RAP1A: variants seen among roughly 807,000 people sequenced by gnomAD.
RAP1A encodes RAP1A, member of RAS oncogene family.
Under a neutral mutation model 26.4 loss-of-function variants are expected in RAP1A, and 6 were observed. That is an observed-to-expected ratio of 0.23 (90% CI 0.12 to 0.45). The LOEUF (loss-of-function observed/expected upper bound fraction) is 0.45, where lower values mean the gene tolerates loss of function less well. RAP1A is among the 20% of genes least tolerant of loss of function. The pLI is 0.99. For synonymous variants in RAP1A, 73 were observed against 79.4 expected, an observed-to-expected ratio of 0.92 and a Z score of 0.43; for missense variants, 121 against 217.2, an observed-to-expected ratio of 0.56 and a Z score of 2.78.
At chr1:111,598,383 C>T (rs1445437521) in intron 1 of RAP1A, among the ~76,000 whole-genome samples, 1 of 152,044 alleles carries the variant, frequency 6.6e-6, no homozygotes, top group Non-Finnish European at 1.5e-5. Context: ...GTCCACATCA[C>T]AAGGAAATAC....
intron 1 of RAP1A, among the ~76,000 whole-genome samples, chr1:111,645,312 G>A (rs1328265470): frequency 3.3e-5 from 5 of 152,102 alleles, no homozygotes; most frequent in Non-Finnish European, 7.4e-5. Flanking sequence ...TCCTTTGAGT[G>A]GGACTTTAGG....
At chr1:111,704,228 C>A in intron 5 of RAP1A, 115 bp from the exon 6 acceptor site, 3 of 1,049,056 alleles carry the variant, frequency 2.9e-6, no homozygotes, top group Non-Finnish European at 3.9e-6. Context: ...TTTGATGAAG[C>A]TTGCGGTCCC....
At chr1:111,598,639 T>C (rs1489091585) in intron 1 of RAP1A, among the ~76,000 whole-genome samples, 1 of 152,084 alleles carries the variant, frequency 6.6e-6, no homozygotes, top group East Asian at 1.9e-4. Context: ...ACAACAATCA[T>C]CGCAGAAGAC....
intron 1 of RAP1A, among the ~76,000 whole-genome samples, chr1:111,676,229 G>T (rs1256564899): frequency 6.6e-5 from 10 of 152,060 alleles, no homozygotes; most frequent in Admixed American, 6.6e-4. Flanking sequence ...GGTGGTGGGC[G>T]CCTGTAATCC....
intron 2 of RAP1A, among the ~76,000 whole-genome samples, chr1:111,692,157 A>T (rs1302789860): frequency 6.6e-6 from 1 of 152,190 alleles, no homozygotes; most frequent in East Asian, 1.9e-4. Context: ...ACTTGGTGCT[A>T]GATTGATATG....
In RAP1A at chr1:111,715,335, C is replaced by A. The variant is rs890812625; in HGVS notation, c.*2934C>A. On this transcript the variant is annotated 3_prime_UTR_variant, in exon 8 of 8. Coordinates refer to ENST00000369709, the MANE Select transcript of RAP1A (RefSeq NM_002884.4). ...TCGTGATCCGCCCCCCCCTCAGCCT[C>A]CCAAAGTGCTGGGATTACAGGCGTG... is the stretch of plus-strand genomic sequence containing the variant. 3.3e-5 allele frequency: 5 copies of A among 151,664 alleles called. No homozygotes were observed. The highest frequency in any genetic ancestry group is 9.8e-5 in the African/African-American group (4 of 40,986). The allele number at this position is 151,664 out of a possible 1,614,324, so 9.4% of individuals were successfully genotyped here.
intron 1 of RAP1A, among the ~76,000 whole-genome samples, chr1:111,643,813 C>T (rs1252660122): frequency 6.6e-6 from 1 of 152,164 alleles, no homozygotes; most frequent in Non-Finnish European, 1.5e-5. Context: ...ATTCACATAC[C>T]ATACACACAC....
At chr1:111,679,565 G>A (rs1391858443) in intron 1 of RAP1A, among the ~76,000 whole-genome samples, 1 of 151,968 alleles carries the variant, frequency 6.6e-6, no homozygotes, top group Non-Finnish European at 1.5e-5. Context: ...ACACAGAACT[G>A]TTCACTCCCC....
intron 1 of RAP1A, among the ~76,000 whole-genome samples, chr1:111,602,894 G>A (rs965606417): frequency 3.9e-5 from 6 of 152,184 alleles, no homozygotes; most frequent in South Asian, 2.1e-4. Flanking sequence ...GTGGTCAGGC[G>A]TGGCCATGGC....
At chr1:111,660,563 G>C (rs11576942) in intron 1 of RAP1A, among the ~76,000 whole-genome samples, 1 of 151,766 alleles carries the variant, frequency 6.6e-6, no homozygotes, top group Non-Finnish European at 1.5e-5. Context: ...CTACTCCTTT[G>C]GTCAACATTC....
intron 1 of RAP1A, among the ~76,000 whole-genome samples, chr1:111,633,524 T>C (rs951295192): frequency 9.9e-5 from 15 of 152,216 alleles, no homozygotes; most frequent in Non-Finnish European, 7.3e-5. Context: ...TTTTCATATA[T>C]TAGGTTATTT....
chr1:111,644,838 T>C (rs906989031), intron 1 of RAP1A, among the ~76,000 whole-genome samples: 2 of 152,186 alleles, frequency 1.3e-5, no homozygotes, highest in African/African-American at 4.8e-5. Flanking sequence ...GGGCCACATA[T>C]TGGGCCCTCT....
At chr1:111,623,844 A>G (rs1199167427) in intron 1 of RAP1A, among the ~76,000 whole-genome samples, 3 of 151,966 alleles carry the variant, frequency 2.0e-5, no homozygotes, top group Non-Finnish European at 4.4e-5. Flanking sequence ...GATTTGGCAT[A>G]GGTGGGGAGC....
intron 1 of RAP1A, among the ~76,000 whole-genome samples, chr1:111,550,731 G>A (rs1657223697): frequency 6.6e-6 from 1 of 152,192 alleles, no homozygotes; most frequent in South Asian, 2.1e-4. Flanking sequence ...CTAGGCTCAA[G>A]CAGTCTTCAC....
chr1:111,682,640 T>C (rs1401472009), intron 1 of RAP1A, among the ~76,000 whole-genome samples: 2 of 152,066 alleles, frequency 1.3e-5, no homozygotes, highest in African/African-American at 4.8e-5. Flanking sequence ...ATCCTAAATA[T>C]ATATGGACCC....
intron 7 of RAP1A, 86 bp downstream of exon 7, chr1:111,709,350 T>C: frequency 1.5e-6 from 2 of 1,367,722 alleles, no homozygotes; most frequent in Non-Finnish European, 1.9e-6. Context: ...ATTTCATCTG[T>C]TATGGTATTT....
At chr1:111,567,243 GA>G (rs1657939864) in intron 1 of RAP1A, among the ~76,000 whole-genome samples, 1 of 152,158 alleles carries the variant, frequency 6.6e-6, no homozygotes, top group Non-Finnish European at 1.5e-5. Flanking sequence ...GAGAGGAGGA[GA>G]ACTCAACTCA....
At chr1:111,586,518 G>C (rs977183797) in intron 1 of RAP1A, among the ~76,000 whole-genome samples, 1 of 152,206 alleles carries the variant, frequency 6.6e-6, no homozygotes, top group Non-Finnish European at 1.5e-5. Flanking sequence ...AGGAGGTCAA[G>C]GCTGCAGTGA....
At chr1:111,590,050 G>C (rs187357934) in intron 1 of RAP1A, among the ~76,000 whole-genome samples, 4 of 152,134 alleles carry the variant, frequency 2.6e-5, no homozygotes, top group Non-Finnish European at 4.4e-5. Flanking sequence ...GATTACAGGC[G>C]TGAGCCACTG....
Sources: gnomAD v4.1 joint callset for allele counts (sites outside exome capture counted in the v4.1 genomes callset) on GRCh38, gnomAD v4.1.1 for gene constraint, MANE v1.5 for transcripts, NCBI Gene and HGNC (gene_info 2026-07-23, HGNC 2026-07-21) for gene names.